Variants in ADAM17 observed in about 807,000 individuals in gnomAD.
ADAM17 encodes disintegrin and metalloproteinase domain-containing protein 17.
In ADAM17, 39 loss-of-function variants were observed where a neutral mutation model predicts 96.7. The observed-to-expected ratio is 0.40, with a 90% CI of 0.31 to 0.53. The LOEUF is 0.53. ADAM17 is among the 20% of genes least tolerant of loss of function. The pLI, the probability that ADAM17 is intolerant of heterozygous loss-of-function variation, is 0.44. For missense variants in ADAM17, 777 were observed against 1,013.2 expected (o/e 0.77, Z 3.17); for synonymous variants, 344 against 359.2 (o/e 0.96, Z 0.48).
At chr2:9,507,266 G>A (rs2125003004) in intron 11 of ADAM17, among the ~76,000 whole-genome samples, 1 of 152,288 alleles carries the variant, frequency 6.6e-6, no homozygotes, top group East Asian at 1.9e-4. Context: ...GAGGCAGGTG[G>A]ATCACCTGAG....
At chr2:9,545,288 G>A (rs1384021634) in intron 1 of ADAM17, among the ~76,000 whole-genome samples, 1 of 152,182 alleles carries the variant, frequency 6.6e-6, no homozygotes, top group Non-Finnish European at 1.5e-5. Flanking sequence ...CACTGAACTG[G>A]CTGGGCATGG....
intron 2 of ADAM17, among the ~76,000 whole-genome samples, chr2:9,538,482 TA>T (rs1340454375): frequency 6.6e-6 from 1 of 152,256 alleles, no homozygotes; most frequent in Non-Finnish European, 1.5e-5. Flanking sequence ...TCTGCTATCC[TA>T]AAACATATCT....
At chr2:9,546,932 C>T (rs939777504) in intron 1 of ADAM17, among the ~76,000 whole-genome samples, 1 of 152,166 alleles carries the variant, frequency 6.6e-6, no homozygotes, top group African/African-American at 2.4e-5. Context: ...TGGTCTTGAT[C>T]TCTTGACCTC....
At chr2:9,552,789 T>C (rs1448451283) in intron 1 of ADAM17, among the ~76,000 whole-genome samples, 1 of 152,230 alleles carries the variant, frequency 6.6e-6, no homozygotes. Context: ...TCCTAAATTA[T>C]GCAATTCATA....
At chr2:9,523,847 G>C (rs1231367873) in intron 6 of ADAM17, among the ~76,000 whole-genome samples, 1 of 151,542 alleles carries the variant, frequency 6.6e-6, no homozygotes, top group Admixed American at 6.6e-5. Context: ...TTAGTGAATA[G>C]TAAATGTATT....
Position 9,517,668 on chromosome 2 carries a change from C to T in ADAM17, c.1191+233G>A, listed in dbSNP as rs11889407. Among the ~76,000 whole-genome samples the T allele has an allele frequency of 0.064, 9,751 of 152,050 alleles. 1,092 individuals carry two copies. Among genetic ancestry groups the T allele is most frequent in the African/African-American group, 0.22 (9,109 of 41,408 alleles). Reference sequence around the variant, plus strand: ...TCAGAGGGGTCCAGGACAGAGGGTTCGAGAAAAGCAGTGGTCCTCACATGT... The same window carrying T: ...TCAGAGGGGTCCAGGACAGAGGGTTTGAGAAAAGCAGTGGTCCTCACATGT... On this transcript the variant is annotated intron_variant, in intron 10 of 18. Transcript: ENST00000310823.
chr2:9,524,378 G>T (rs187235219), intron 6 of ADAM17, among the ~76,000 whole-genome samples: 1 of 152,106 alleles, frequency 6.6e-6, no homozygotes, highest in Non-Finnish European at 1.5e-5. Context: ...TGTTGTCCCA[G>T]CTAGAGGAGG....
chr2:9,516,748 G>A (rs1361158249), intron 10 of ADAM17, among the ~76,000 whole-genome samples: 1 of 151,838 alleles, frequency 6.6e-6, no homozygotes, highest in East Asian at 1.9e-4. Context: ...GCAAGACTCT[G>A]TCTCAAAAAA....
chr2:9,532,948 TGGGAGGCCAAGATGGGCAGATC>T (rs1558519863), intron 4 of ADAM17, among the ~76,000 whole-genome samples: 2 of 152,112 alleles, frequency 1.3e-5, no homozygotes, highest in African/African-American at 4.8e-5. Context: ...CTCAGCACTT[TGGGAGGCCAAGATGGGCAGATC>T]ACGAGGTCAG....
intron 1 of ADAM17, among the ~76,000 whole-genome samples, chr2:9,553,882 T>G (rs1665659961): frequency 6.6e-6 from 1 of 150,784 alleles, no homozygotes; most frequent in Non-Finnish European, 1.5e-5. Flanking sequence ...GCCAACATGG[T>G]GAAACCCCGT....
chr2:9,540,682 T>C (rs1195711652), intron 2 of ADAM17, among the ~76,000 whole-genome samples: 2 of 152,208 alleles, frequency 1.3e-5, no homozygotes, highest in Non-Finnish European at 2.9e-5. Context: ...ATCTCCTTAA[T>C]ATACTAAGCA....
In ADAM17 at chr2:9,502,223, T is replaced by C. The variant is rs1295174975; in HGVS notation, c.1598A>G (p.Lys533Arg). The C allele has an allele frequency of 5.0e-6, 8 of 1,613,990 alleles. No homozygotes were observed. The change falls in exon 13 of 19, where the codon AAG (lysine) becomes AGG (arginine). Residue 533 changes from lysine to arginine, a missense_variant. Around this residue, in one of 3 missense-constraint regions of ADAM17, gnomAD observed 446 missense variants for 664.7 expected, o/e 0.67. Coordinates refer to ENST00000310823, the MANE Select transcript of ADAM17 (RefSeq NM_003183.6). The part of the protein sequence containing the change: ...KNCQFETAQK[K>R]CQEAINATCK... ...AGTAGCATTAATCGCCTCCTGGCAC[T>C]TCTTCTGGGCAGTCTCAAACTGACA...
At chr2:9,540,454 A>C (rs1665161703) in intron 2 of ADAM17, among the ~76,000 whole-genome samples, 1 of 152,144 alleles carries the variant, frequency 6.6e-6, no homozygotes, top group African/African-American at 2.4e-5. Context: ...ATGCCAGTAA[A>C]TTACAGAAAA....
intron 4 of ADAM17, among the ~76,000 whole-genome samples, chr2:9,529,393 G>A (rs1194377904): frequency 6.6e-6 from 1 of 152,144 alleles, no homozygotes; most frequent in African/African-American, 2.4e-5. Flanking sequence ...AAAAGTTGCA[G>A]TGAGCTGAGA....
In ADAM17 at chr2:9,554,199, A is replaced by G. The variant is rs186582005; in HGVS notation, c.97+1310T>C. On this transcript the variant is annotated intron_variant, in intron 1 of 18. Coordinates refer to ENST00000310823, the MANE Select transcript of ADAM17 (RefSeq NM_003183.6). Reference sequence around the variant, plus strand: ...TACCTACGAACAACAGATTAATAACATAAGTGAAACAGTTGTGTCAGGGTG... The same window carrying G: ...TACCTACGAACAACAGATTAATAACGTAAGTGAAACAGTTGTGTCAGGGTG... Among the ~76,000 whole-genome samples the G allele has an allele frequency of 1.5e-4, 23 of 152,394 alleles. No homozygotes were observed. In the East Asian group the frequency reaches 3.7e-3, roughly 24 times the overall value.
intron 4 of ADAM17, 141 bp from the exon 5 acceptor site, chr2:9,528,095 A>C: frequency 1.9e-6 from 1 of 523,970 alleles, no homozygotes; most frequent in Non-Finnish European, 3.1e-6. Context: ...ATTAAAATAA[A>C]TAATCTCAAT....
At chr2:9,495,550 TA>T (rs1662509132) in intron 14 of ADAM17, among the ~76,000 whole-genome samples, 1 of 151,870 alleles carries the variant, frequency 6.6e-6, no homozygotes, top group East Asian at 1.9e-4. Flanking sequence ...CCATCTCTAC[TA>T]AAAATAAAAA....
At chr2:9,544,424 T>G (rs1451064321) in intron 1 of ADAM17, among the ~76,000 whole-genome samples, 2 of 152,122 alleles carry the variant, frequency 1.3e-5, no homozygotes, top group East Asian at 3.9e-4. Context: ...CCCAGCTAGT[T>G]TGAGGCAGGA....
At chr2:9,522,468 A>G in intron 7 of ADAM17, 1 of 588,968 alleles carries the variant, frequency 1.7e-6, no homozygotes. Context: ...ACAGTGAAAG[A>G]GAATGAAAAG....
Sources: gnomAD v4.1 joint callset for allele counts (sites outside exome capture counted in the v4.1 genomes callset) on GRCh38, gnomAD v4.1.1 for gene constraint, gnomAD v4.1.1 regional missense constraint, MANE v1.5 for transcripts, NCBI Gene and HGNC (gene_info 2026-07-23, HGNC 2026-07-21) for gene names.